Variants in SOX13 observed in about 807,000 individuals in gnomAD.
The protein encoded by SOX13 is SRY-box transcription factor 13, also known as transcription factor SOX-13.
In SOX13, 28 loss-of-function variants were observed where a neutral mutation model predicts 71.8. The ratio of observed to expected loss-of-function variants is 0.39; its 90% confidence interval spans 0.29 to 0.53. The LOEUF is 0.53. SOX13 is among the 20% of genes least tolerant of loss of function. The pLI, the probability that SOX13 is intolerant of heterozygous loss-of-function variation, is 0.70. For synonymous variants in SOX13, 309 were observed against 317.8 expected (o/e 0.97, Z 0.29); for missense variants, 627 against 810.3 (o/e 0.77, Z 2.75).
chr1:204,105,660 C>T (rs183359283), intron 1 of SOX13, among the ~76,000 whole-genome samples: 12 of 152,262 alleles, frequency 7.9e-5, no homozygotes, highest in African/African-American at 2.9e-4. Flanking sequence ...CCCGCCTCAG[C>T]CTCCCAAAGT....
intron 1 of SOX13, among the ~76,000 whole-genome samples, chr1:204,096,347 C>T (rs1229352646): frequency 2.0e-5 from 3 of 148,002 alleles, no homozygotes; most frequent in Non-Finnish European, 3.0e-5. Context: ...TCAAGCGATC[C>T]TCCCACCTCA....
chr1:204,078,189 A>C (rs1487322978), intron 1 of SOX13: 1 of 152,288 alleles, frequency 6.6e-6, no homozygotes, highest in Admixed American at 6.5e-5. Context: ...ATGAATGGTA[A>C]GGGCTCTGGG....
chr1:204,127,089 A>ATGGGGACAGG lies in SOX13; in HGVS notation c.*955_*956insTGGGGACAGG, dbSNP rs1656936404. The ATGGGGACAGG allele has an allele frequency of 6.6e-6, 1 of 151,434 alleles. No individual in the cohort carries two copies. Among genetic ancestry groups the ATGGGGACAGG allele is most frequent in the Admixed American group, 6.6e-5 (1 of 15,150 alleles). The allele number at this position is 151,434 out of a possible 1,614,324, so 9.4% of individuals were successfully genotyped here. On this transcript the variant is annotated 3_prime_UTR_variant, in exon 14 of 14. Transcript: ENST00000367204. ...AGTCGGTTCCCACGGAGCCATTTTT[A>ATGGGGACAGG]GCTCTGATCAGCATGGGAATGTGCC...
chr1:204,074,452 G>A (rs1473290163), intron 1 of SOX13: 6 of 151,982 alleles, frequency 3.9e-5, no homozygotes, highest in African/African-American at 1.2e-4. Flanking sequence ...GGGAGATGCG[G>A]AGCGGGTAGT....
rs930876835 is a variant in SOX13, at chr1:204,126,297, G to C, written c.*163G>C. On this transcript the variant is annotated 3_prime_UTR_variant, in exon 14 of 14. Transcript: ENST00000367204. ...CAGATACATTCATGAGGGGAGAGGCGCCCTCCCTTCCTGAGGAGCTGTTGG... is the reference window on the plus strand; with the variant it reads ...CAGATACATTCATGAGGGGAGAGGCCCCCTCCCTTCCTGAGGAGCTGTTGG... 1 of 767,144 alleles carries C rather than the reference G, an allele frequency of 1.3e-6. No individual in the cohort carries two copies. Among genetic ancestry groups the C allele is most frequent in the Non-Finnish European group, 2.1e-6 (1 of 480,820 alleles). 47.5% of individuals were successfully genotyped at this position (767,144 alleles called of 1,614,324 possible). A position where few individuals can be genotyped will look rare whatever the true frequency, so the allele number is the denominator to read the frequency against.
intron 1 of SOX13, among the ~76,000 whole-genome samples, chr1:204,105,657 C>T (rs1656455371): frequency 6.6e-6 from 1 of 152,124 alleles, no homozygotes; most frequent in African/African-American, 2.4e-5. Flanking sequence ...CAACCCGCCT[C>T]AGCCTCCCAA....
chr1:204,083,356 G>A (rs757715620), intron 1 of SOX13, among the ~76,000 whole-genome samples: 4 of 152,160 alleles, frequency 2.6e-5, no homozygotes, highest in East Asian at 3.9e-4. Flanking sequence ...AAGGAGGCAC[G>A]TGGGGAAGAG....
rs1656010837 is a variant in SOX13 at position 204,086,009 on chromosome 1, T to G, written c.-2+12298T>G. ...GAAAAGAAAGAATGTAGGAAGTGCC[T>G]TCTAGCCTTCTAGGCAGAGACACCA... On this transcript the variant is annotated intron_variant, in intron 1 of 13. Coordinates refer to ENST00000367204, the MANE Select transcript of SOX13 (RefSeq NM_005686.3). Among the ~76,000 whole-genome samples, 3 of 151,484 alleles carry G rather than the reference T, an allele frequency of 2.0e-5. No homozygotes were observed. The South Asian group carries it at 6.3e-4, about 32-fold the overall frequency.
Position 204,117,611 on chromosome 1 carries a change from G to C in SOX13, c.679G>C (p.Val227Leu), listed in dbSNP as rs748044555. The C allele has an allele frequency of 1.9e-6, 3 of 1,612,120 alleles. No homozygotes were observed. Among genetic ancestry groups the C allele is most frequent in the Admixed American group, 3.3e-5 (2 of 59,858 alleles). Residue 227 changes from valine (V) to leucine (L), a missense_variant, in exon 7 of 14, where the codon GTC becomes CTC. This residue lies in a region of SOX13 where 447 missense variants were observed against 532.2 expected (regional missense o/e 0.84). Transcript: ENST00000367204. ...CCTTCAGCAGGTTAACATGCCTTAT[G>C]TCATGATCCCAGCCTTCCCCCCAAG... ...QQIQQVNMPYVMIPAFPPSHQ... is the reference protein window; with the variant it reads ...QQIQQVNMPYLMIPAFPPSHQ...
At chr1:204,117,022 C>A in intron 5 of SOX13, 100 bp from the exon 6 acceptor site, 1 of 1,206,026 alleles carries the variant, frequency 8.3e-7, no homozygotes, top group Non-Finnish European at 1.2e-6. Context: ...CACTCCATGG[C>A]TTGCCCCACT....
intron 1 of SOX13, among the ~76,000 whole-genome samples, chr1:204,092,277 C>T (rs1656163414): frequency 6.6e-6 from 1 of 151,984 alleles, no homozygotes; most frequent in South Asian, 2.1e-4. Context: ...CTGAAGCACG[C>T]TGGATTATAG....
intron 7 of SOX13, among the ~76,000 whole-genome samples, chr1:204,121,351 C>T (rs959967525): frequency 2.0e-5 from 3 of 152,076 alleles, no homozygotes; most frequent in Non-Finnish European, 4.4e-5. Context: ...AACTCTTGGC[C>T]TCAAGCAGTC....
At chr1:204,117,339 C>A in intron 6 of SOX13, 149 bp downstream of exon 6, 1 of 756,160 alleles carries the variant, frequency 1.3e-6, no homozygotes, top group Admixed American at 2.1e-5. Flanking sequence ...TATTTCTATT[C>A]TAGCCCCCAA....
At chr1:204,074,796 C>A (rs1482165112) in intron 1 of SOX13, among the ~76,000 whole-genome samples, 8 of 152,374 alleles carry the variant, frequency 5.3e-5, no homozygotes, top group Admixed American at 3.9e-4. Flanking sequence ...CGGCGGCTCC[C>A]GCCCTGGAGG....
At chr1:204,086,240 C>T (rs1443763942) in intron 1 of SOX13, among the ~76,000 whole-genome samples, 1 of 152,206 alleles carries the variant, frequency 6.6e-6, no homozygotes, top group Admixed American at 6.5e-5. Context: ...CCTCCCCCTC[C>T]TCAGTTCACT....
Position 204,126,242 on chromosome 1 carries a change from G to GTTT in SOX13, c.*108_*109insTTT, listed in dbSNP as rs1183159622. Reference sequence around the variant, plus strand: ...TATGTTGGTACTTGGACTTGTTCGTGCCCCAGAGATGGGCAAAGCTGTGCA... The same window carrying GTTT: ...TATGTTGGTACTTGGACTTGTTCGTGTTTCCCCAGAGATGGGCAAAGCTGTGCA... On this transcript the variant is annotated 3_prime_UTR_variant, in exon 14 of 14. Coordinates refer to ENST00000367204, the MANE Select transcript of SOX13 (RefSeq NM_005686.3). 4.8e-6 allele frequency: 6 copies of GTTT among 1,241,134 alleles called. No individual in the cohort carries two copies. The African/African-American group carries it at 8.9e-5, about 18-fold the overall frequency. 76.9% of individuals were successfully genotyped at this position (1,241,134 alleles called of 1,614,324 possible).
At chr1:204,110,890 C>T (rs997600075) in intron 1 of SOX13, among the ~76,000 whole-genome samples, 1 of 149,010 alleles carries the variant, frequency 6.7e-6, no homozygotes, top group Non-Finnish European at 1.5e-5. Context: ...CCCTAAACAT[C>T]TAATCCCCAT....
At chr1:204,101,287 C>T (rs1656354945) in intron 1 of SOX13, among the ~76,000 whole-genome samples, 1 of 152,058 alleles carries the variant, frequency 6.6e-6, no homozygotes, top group African/African-American at 2.4e-5. Context: ...CTTGGGATCC[C>T]AGGATGCTGT....
At chr1:204,103,303 G>A (rs750957406) in intron 1 of SOX13, among the ~76,000 whole-genome samples, 3 of 152,210 alleles carry the variant, frequency 2.0e-5, no homozygotes, top group Non-Finnish European at 2.9e-5. Flanking sequence ...TGAAGACAGT[G>A]GCCATTCTAT....
Sources: gnomAD v4.1 joint callset for allele counts (sites outside exome capture counted in the v4.1 genomes callset) on GRCh38, gnomAD v4.1.1 for gene constraint, gnomAD v4.1.1 regional missense constraint, MANE v1.5 for transcripts, NCBI Gene and HGNC (gene_info 2026-07-23, HGNC 2026-07-21) for gene names.